LRFN2: variants seen among roughly 807,000 people sequenced by gnomAD.
LRFN2 encodes the protein leucine-rich repeat and fibronectin type-III domain-containing protein 2.
In LRFN2, 18 loss-of-function variants were observed where a neutral mutation model predicts 37.3. That is an observed-to-expected ratio of 0.48 (90% confidence interval 0.33 to 0.72). The LOEUF (loss-of-function observed/expected upper bound fraction) is 0.72, where lower values mean the gene tolerates loss of function less well. Among genes scored for constraint, LRFN2 ranks in the 30% least tolerant of loss-of-function variants. The probability of loss-of-function intolerance (pLI) is 0.02; values close to 1 mark genes in which losing one functional copy is unlikely to be tolerated. For synonymous variants in LRFN2, 556 were observed against 466.6 expected (o/e 1.19, Z -2.47); for missense variants, 1,006 against 1,060.7 (o/e 0.95, Z 0.72).
intron 1 of LRFN2, among the ~76,000 whole-genome samples, chr6:40,566,818 G>T (rs7763866): frequency 0.51 from 76,805 of 151,268 alleles, 19,838 homozygotes; most frequent in Middle Eastern, 0.61. Context: ...ATACCAACAT[G>T]GCACATGTAT....
chr6:40,449,742 A>C (rs1012861547), intron 1 of LRFN2, among the ~76,000 whole-genome samples: 1 of 152,220 alleles, frequency 6.6e-6, no homozygotes, highest in Non-Finnish European at 1.5e-5. Flanking sequence ...CTTGTAAAAA[A>C]TAGTATAAAG....
At chr6:40,575,476 C>T (rs1403432872) in intron 1 of LRFN2, among the ~76,000 whole-genome samples, 3 of 152,192 alleles carry the variant, frequency 2.0e-5, no homozygotes, top group African/African-American at 7.2e-5. Flanking sequence ...ACCAGCCTTA[C>T]TCTGCGCCTG....
chr6:40,464,506 C>A (rs1265238317), intron 1 of LRFN2, among the ~76,000 whole-genome samples: 3 of 152,228 alleles, frequency 2.0e-5, no homozygotes, highest in Admixed American at 6.5e-5. Flanking sequence ...CAGATGCAAG[C>A]CCCTTGACCT....
At chr6:40,441,521 G>A (rs1208047409) in intron 1 of LRFN2, among the ~76,000 whole-genome samples, 1 of 152,134 alleles carries the variant, frequency 6.6e-6, no homozygotes, top group Non-Finnish European at 1.5e-5. Flanking sequence ...GGAAGAGAGA[G>A]GGAGCACAGC....
intron 1 of LRFN2, among the ~76,000 whole-genome samples, chr6:40,567,823 C>T (rs537538453): frequency 3.3e-5 from 5 of 152,180 alleles, no homozygotes; most frequent in South Asian, 2.1e-4. Flanking sequence ...CTGGCTAAAG[C>T]GGAGGTGCTG....
intron 2 of LRFN2, among the ~76,000 whole-genome samples, chr6:40,426,239 G>C (rs1462332054): frequency 6.6e-6 from 1 of 152,228 alleles, no homozygotes. Flanking sequence ...TGAGAGCTGG[G>C]ATAATTTAAG....
intron 1 of LRFN2, among the ~76,000 whole-genome samples, chr6:40,572,751 C>A (rs1767210358): frequency 6.6e-6 from 1 of 152,176 alleles, no homozygotes; most frequent in Admixed American, 6.5e-5. Flanking sequence ...TATGTTTAAT[C>A]CCCAGCTAGT....
intron 2 of LRFN2, among the ~76,000 whole-genome samples, chr6:40,403,318 G>GA (rs1006168038): frequency 1.3e-4 from 1 of 7,984 alleles, no homozygotes; most frequent in Non-Finnish European, 4.5e-3. Flanking sequence ...GATAATGGGG[G>GA]AAGCACATGT....
chr6:40,464,503 A>T (rs1453098249), intron 1 of LRFN2, among the ~76,000 whole-genome samples: 2 of 152,226 alleles, frequency 1.3e-5, no homozygotes, highest in East Asian at 3.8e-4. Context: ...TGTCAGATGC[A>T]AGCCCCTTGA....
chr6:40,477,672 T>A (rs768619425), intron 1 of LRFN2, among the ~76,000 whole-genome samples: 3 of 152,146 alleles, frequency 2.0e-5, no homozygotes, highest in Non-Finnish European at 4.4e-5. Flanking sequence ...AATTCCCTGG[T>A]GGCCTCAGCT....
chr6:40,424,900 C>T (rs549071270), intron 2 of LRFN2, among the ~76,000 whole-genome samples: 15 of 152,344 alleles, frequency 9.8e-5, no homozygotes, highest in East Asian at 3.9e-4. Flanking sequence ...CCTGAGATGT[C>T]GATTTCATTA....
chr6:40,465,246 C>T (rs1433880654), intron 1 of LRFN2, among the ~76,000 whole-genome samples: 4 of 152,168 alleles, frequency 2.6e-5, no homozygotes, highest in Non-Finnish European at 5.9e-5. Flanking sequence ...AGGAATGTAG[C>T]TCTGCCAGTA....
At chr6:40,545,460 CTG>C (rs1227805552) in intron 1 of LRFN2, among the ~76,000 whole-genome samples, 1 of 152,192 alleles carries the variant, frequency 6.6e-6, no homozygotes, top group African/African-American at 2.4e-5. Context: ...AACAAACTGA[CTG>C]AGTGATTTGT....
At chr6:40,500,370 G>A (rs1765346499) in intron 1 of LRFN2, among the ~76,000 whole-genome samples, 2 of 152,260 alleles carry the variant, frequency 1.3e-5, no homozygotes, top group Non-Finnish European at 2.9e-5. Context: ...TCTGGCTTCA[G>A]AGCCTCAGAT....
Position 40,431,739 on chromosome 6 carries a change from A to G in LRFN2, c.1375T>C (p.Ser459Pro). ...VKMYQLQYNC[S>P]DDEVLIYRMI... ...CTGTAAATCAGTACCTCATCGTCAG[A>G]GCAGTTGTACTGCAGCTGGTACATC... The change falls in exon 2 of 3, where the codon TCT becomes CCT. Residue 459 changes from serine to proline, a missense_variant. Coordinates refer to ENST00000338305, the MANE Select transcript of LRFN2 (RefSeq NM_020737.3). 1 of 1,518,280 alleles carries G rather than the reference A, an allele frequency of 6.6e-7. No individual in the cohort carries two copies. The allele number at this position is 1,518,280 out of a possible 1,614,324, so 94.1% of individuals were successfully genotyped here.
At chr6:40,435,014 CATATATATATATATATAT>C (rs368583078) in intron 1 of LRFN2, among the ~76,000 whole-genome samples, 45 of 48,010 alleles carry the variant, frequency 9.4e-4, no homozygotes, top group African/African-American at 2.6e-3. Context: ...AATGGTTTTA[CATATATATATATATATAT>C]ATATATATAT....
At chr6:40,436,462 A>T (rs553482224) in intron 1 of LRFN2, among the ~76,000 whole-genome samples, 39 of 151,952 alleles carry the variant, frequency 2.6e-4, no homozygotes, top group African/African-American at 8.9e-4. Flanking sequence ...TTACAGAAAG[A>T]GTTTGCTGAC....
At chr6:40,420,463 A>G (rs1763198940) in intron 2 of LRFN2, among the ~76,000 whole-genome samples, 1 of 152,208 alleles carries the variant, frequency 6.6e-6, no homozygotes, top group Non-Finnish European at 1.5e-5. Flanking sequence ...CAGGCAGGAA[A>G]GCAGCCCCAT....
At position 40,579,609 on chromosome 6, in the gene LRFN2, CACAA is replaced by C. The variant is rs555509288; in HGVS notation, c.-19+7328_-19+7331del. Among the ~76,000 whole-genome samples the C allele has an allele frequency of 5.5e-4, 67 of 121,258 alleles. No individual in the cohort carries two copies. The South Asian group carries it at 7.5e-3, about 14-fold the overall frequency. The allele number at this position is 121,258 out of a possible 152,430, so 79.5% of individuals were successfully genotyped here. Reference sequence around the variant, plus strand: ...CTCCTAAGCAACACACACGAACACACACAAACACACACACACACACACACACACG... The same window carrying C: ...CTCCTAAGCAACACACACGAACACACACACACACACACACACACACACACG... On this transcript the variant is annotated intron_variant, in intron 1 of 2. Coordinates refer to ENST00000338305, the MANE Select transcript of LRFN2 (RefSeq NM_020737.3).
Sources: gnomAD v4.1 joint callset for allele counts (sites outside exome capture counted in the v4.1 genomes callset) on GRCh38, gnomAD v4.1.1 for gene constraint, MANE v1.5 for transcripts, NCBI Gene and HGNC (gene_info 2026-07-23, HGNC 2026-07-21) for gene names.